Variants in SLC39A9 observed in about 807,000 individuals in gnomAD.
SLC39A9 encodes the protein zinc transporter ZIP9.
Under a neutral mutation model 28.4 loss-of-function variants are expected in SLC39A9, and 14 were observed. The ratio of observed to expected loss-of-function variants is 0.49; its 90% CI spans 0.33 to 0.77. SLC39A9 has a LOEUF of 0.77. SLC39A9 is among the 30% of genes least tolerant of loss of function. The pLI is 0.02. For synonymous variants in SLC39A9, 119 were observed against 149.6 expected (o/e 0.80, Z 1.49); for missense variants, 283 against 381.1 (o/e 0.74, Z 2.14).
rs537098712 is a variant in SLC39A9, at chr14:69,444,970, T to TA, written c.403+2712dup. Among the ~76,000 whole-genome samples, 50 of 150,848 alleles carry TA rather than the reference T, an allele frequency of 3.3e-4. No homozygotes were observed. The South Asian group carries it at 9.6e-3, about 29-fold the overall frequency. Reference sequence around the variant, plus strand: ...GAGACAATGCGAAACCCTGTCGCTCTAAAAAAAATAATAATAAAAGAATAA... The same window carrying TA: ...GAGACAATGCGAAACCCTGTCGCTCTAAAAAAAAATAATAATAAAAGAATAA... On this transcript the variant is annotated intron_variant, in intron 3 of 6. Transcript: ENST00000336643.
In SLC39A9 at chr14:69,460,497, G is replaced by T; in HGVS notation, c.*1904G>T. Reference sequence around the variant, plus strand: ...TCTAGTCCTTCAAAACTATATGGTTGCCTAGATTCTCTCTGGAAACTGACT... The same window carrying T: ...TCTAGTCCTTCAAAACTATATGGTTTCCTAGATTCTCTCTGGAAACTGACT... On this transcript the variant is annotated 3_prime_UTR_variant, in exon 7 of 7. Transcript: ENST00000336643. 1 of 985,446 alleles carries T rather than the reference G, an allele frequency of 1.0e-6. No individual in the cohort carries two copies. The highest frequency in any genetic ancestry group is 1.2e-6 in the Non-Finnish European group (1 of 829,934). The allele number at this position is 985,446 out of a possible 1,614,324, so 61.0% of individuals were successfully genotyped here.
chr14:69,448,192 G>A lies in SLC39A9; in HGVS notation c.404-5049G>A, dbSNP rs190297257. Among the ~76,000 whole-genome samples, 124 of 103,760 alleles carry A rather than the reference G, an allele frequency of 1.2e-3. 2 individuals carry two copies. The highest frequency in any genetic ancestry group is 4.8e-3 in the African/African-American group (122 of 25,218). 68.1% of individuals were successfully genotyped at this position (103,760 alleles called of 152,430 possible). A position where few individuals can be genotyped will look rare whatever the true frequency, so the allele number is the denominator to read the frequency against. ...GTCACGCCACTGCACTCCAGCCTGG[G>A]CAACAAAGTGAGACTCTGTCTCAAA... On this transcript the variant is annotated intron_variant, in intron 3 of 6. Transcript: ENST00000336643.
chr14:69,453,464 G>C (rs546142759), intron 4 of SLC39A9, among the ~76,000 whole-genome samples, 155 bp downstream of exon 4: 14 of 152,128 alleles, frequency 9.2e-5, no homozygotes, highest in African/African-American at 3.4e-4. Context: ...CACAAGCTTG[G>C]TGTGCTCAGT....
upstream of SLC39A9, chr14:69,398,445 A>G (rs1008725738): frequency 6.3e-6 from 4 of 636,984 alleles, no homozygotes; most frequent in African/African-American, 1.8e-5. Flanking sequence ...CGATAAAGGC[A>G]AAAAGGTAAG....
At chr14:69,449,453 C>T (rs996392823) in intron 3 of SLC39A9, among the ~76,000 whole-genome samples, 22 of 152,036 alleles carry the variant, frequency 1.4e-4, no homozygotes, top group African/African-American at 4.1e-4. Context: ...AGCGAGACGC[C>T]GTCTCTACAA....
At chr14:69,398,646 C>A (rs1882441628), upstream of SLC39A9, 1 of 262,986 alleles carries the variant, frequency 3.8e-6, no homozygotes, top group East Asian at 1.2e-4. Flanking sequence ...CCGGAAGTGC[C>A]TTTGTAAAGG....
At chr14:69,404,615 C>T (rs940193230) in intron 1 of SLC39A9, among the ~76,000 whole-genome samples, 1 of 152,086 alleles carries the variant, frequency 6.6e-6, no homozygotes, top group Admixed American at 6.5e-5. Flanking sequence ...TGGGAAGCTC[C>T]TCCCCCTCCT....
chr14:69,408,138 A>G (rs1883046712), intron 1 of SLC39A9, among the ~76,000 whole-genome samples: 1 of 152,006 alleles, frequency 6.6e-6, no homozygotes, highest in African/African-American at 2.4e-5. Flanking sequence ...TCAGCCTCCC[A>G]AGTAGCTGAG....
Position 69,459,133 on chromosome 14 carries a change from T to A in SLC39A9, c.*540T>A. ...AAGGTGATTCTAGTTAATCTGGGATTAGGGTCAGGAAAATGATAGCAAGAC... is the reference window on the plus strand; with the variant it reads ...AAGGTGATTCTAGTTAATCTGGGATAAGGGTCAGGAAAATGATAGCAAGAC... On this transcript the variant is annotated 3_prime_UTR_variant, in exon 7 of 7. Coordinates refer to ENST00000336643, the MANE Select transcript of SLC39A9 (RefSeq NM_018375.5). 1 of 986,130 alleles carries A rather than the reference T, an allele frequency of 1.0e-6. No homozygotes were observed. Among genetic ancestry groups the A allele is most frequent in the South Asian group, 4.7e-5 (1 of 21,292 alleles). 61.1% of individuals were successfully genotyped at this position (986,130 alleles called of 1,614,324 possible).
Position 69,454,852 on chromosome 14 carries a change from G to A in SLC39A9, c.513G>A (p.Gln171=), listed in dbSNP as rs1342593132. Residue 171 remains glutamine (Q), a synonymous_variant, in exon 5 of 7, where the codon CAG becomes CAA. Coordinates refer to ENST00000336643, the MANE Select transcript of SLC39A9 (RefSeq NM_018375.5). Reference sequence around the variant, plus strand: ...TGGGAGCAGCAGCATCTACTTCACAGACCAGTGTCCAGTTAATTGTGTTTG... The same window carrying A: ...TGGGAGCAGCAGCATCTACTTCACAAACCAGTGTCCAGTTAATTGTGTTTG... The part of the protein sequence containing the change: ...VALGAAASTS[Q]TSVQLIVFVA... 1 of 1,614,076 alleles carries A rather than the reference G, an allele frequency of 6.2e-7. No homozygotes were observed. Among genetic ancestry groups the A allele is most frequent in the East Asian group, 2.2e-5 (1 of 44,862 alleles).
At chr14:69,453,672 C>G (rs533661195) in intron 4 of SLC39A9, among the ~76,000 whole-genome samples, 6 of 152,158 alleles carry the variant, frequency 3.9e-5, no homozygotes, top group African/African-American at 1.4e-4. Flanking sequence ...GAGTAGGGAA[C>G]CTATTGCTGA....
intron 3 of SLC39A9, among the ~76,000 whole-genome samples, chr14:69,447,410 TA>T (rs999305750): frequency 4.6e-5 from 7 of 152,178 alleles, no homozygotes; most frequent in Non-Finnish European, 7.4e-5. Context: ...GTGGGACAGC[TA>T]AAACTCTGAT....
Position 69,461,513 on chromosome 14 carries a change from CTCTT to C in SLC39A9, c.*2927_*2930del, listed in dbSNP as rs1851505922. ...GTTTTCTCTTTCTCCCCGCTTTCAC[CTCTT>C]TCTTTCCCAATTCAAAACAGCCAAG... On this transcript the variant is annotated 3_prime_UTR_variant, in exon 7 of 7. Transcript: ENST00000336643. The C allele has an allele frequency of 7.7e-6, 11 of 1,437,668 alleles. No individual in the cohort carries two copies. Among genetic ancestry groups the C allele is most frequent in the Admixed American group, 2.6e-5 (1 of 37,764 alleles). 89.1% of individuals were successfully genotyped at this position (1,437,668 alleles called of 1,614,324 possible).
Position 69,460,421 on chromosome 14 carries a change from A to G in SLC39A9, c.*1828A>G. 4.1e-6 allele frequency: 4 copies of G among 985,458 alleles called. No homozygotes were observed. Among genetic ancestry groups the G allele is most frequent in the Non-Finnish European group, 4.8e-6 (4 of 829,932 alleles). 61.0% of individuals were successfully genotyped at this position (985,458 alleles called of 1,614,324 possible). A position where few individuals can be genotyped will look rare whatever the true frequency, so the allele number is the denominator to read the frequency against. On this transcript the variant is annotated 3_prime_UTR_variant, in exon 7 of 7. Transcript: ENST00000336643. ...AGGTATAGTATGGAAAGTCCAAATG[A>G]CTTCCTTGATTGGATGTTAACAGCT...
rs1885979926 is a variant in SLC39A9 at position 69,458,631 on chromosome 14, A to G, written c.*38A>G. The G allele has an allele frequency of 3.2e-6, 5 of 1,547,266 alleles. No homozygotes were observed. In the East Asian group the frequency reaches 7.1e-5, roughly 22 times the overall value. On this transcript the variant is annotated 3_prime_UTR_variant, in exon 7 of 7. Coordinates refer to ENST00000336643, the MANE Select transcript of SLC39A9 (RefSeq NM_018375.5). ...CAGCCTTGGTCCAGGGCCGTTTGCCATCCAGTGAGAACAGCCGGCACGTGA... is the reference window on the plus strand; with the variant it reads ...CAGCCTTGGTCCAGGGCCGTTTGCCGTCCAGTGAGAACAGCCGGCACGTGA...
Position 69,412,679 on chromosome 14 carries a change from G to C in SLC39A9, c.97-11415G>C, listed in dbSNP as rs145031625. The stretch of plus-strand genomic sequence containing the variant: ...CAATAAATATTTAGGGGAAACTGCT[G>C]TGTGCCAGATACTTCCTTATAAATT... On this transcript the variant is annotated intron_variant, in intron 1 of 6. Coordinates refer to ENST00000336643, the MANE Select transcript of SLC39A9 (RefSeq NM_018375.5). Among the ~76,000 whole-genome samples the C allele has an allele frequency of 1.9e-4, 29 of 152,248 alleles. No homozygotes were observed. In the East Asian group the frequency reaches 5.2e-3, roughly 27 times the overall value.
Position 69,461,522 on chromosome 14 carries a change from TC to T in SLC39A9, c.*2932del. On this transcript the variant is annotated 3_prime_UTR_variant, in exon 7 of 7. Transcript: ENST00000336643. Reference sequence around the variant, plus strand: ...TTCTCCCCGCTTTCACCTCTTTCTTTCCCAATTCAAAACAGCCAAGTGAGCC... The same window carrying T: ...TTCTCCCCGCTTTCACCTCTTTCTTTCCAATTCAAAACAGCCAAGTGAGCC... 5 of 1,443,900 alleles carry T rather than the reference TC, an allele frequency of 3.5e-6. No homozygotes were observed. Among genetic ancestry groups the T allele is most frequent in the Non-Finnish European group, 4.5e-6 (5 of 1,103,130 alleles). 89.4% of individuals were successfully genotyped at this position (1,443,900 alleles called of 1,614,324 possible).
chr14:69,452,529 C>T (rs1194990831), intron 3 of SLC39A9, among the ~76,000 whole-genome samples: 1 of 148,572 alleles, frequency 6.7e-6, no homozygotes, highest in East Asian at 1.9e-4. Context: ...GTGGTTTCAC[C>T]ATGTTGGTCA....
chr14:69,423,985 A>T (rs1465805521), intron 1 of SLC39A9, 109 bp from the exon 2 acceptor site: 3 of 675,214 alleles, frequency 4.4e-6, no homozygotes, highest in East Asian at 2.8e-5. Flanking sequence ...TCTATTGTAG[A>T]TGTTGGTCTC....
Sources: allele counts gnomAD v4.1 joint callset (sites outside exome capture counted in the v4.1 genomes callset), GRCh38; gene constraint gnomAD v4.1.1; transcripts MANE v1.5; gene names NCBI Gene and HGNC (gene_info 2026-07-23, HGNC 2026-07-21).